The following STAU1 variants were observed in gnomAD, a reference collection of about 807,000 sequenced individuals.
STAU1 encodes the protein double-stranded RNA-binding protein Staufen homolog 1.
A neutral mutation model predicts 62.9 loss-of-function variants in STAU1; 13 were observed. The observed-to-expected ratio is 0.21, with a 90% CI of 0.13 to 0.33. The LOEUF is 0.33. STAU1 is among the 10% of genes least tolerant of loss of function. The pLI is 1.00. For missense variants in STAU1, 571 were observed against 712.1 expected (o/e 0.80, Z 2.25); for synonymous variants, 269 against 265.1 (o/e 1.01, Z -0.14).
At chr20:49,206,902 T>C in the STAU1 span, among the ~76,000 whole-genome samples, 1 of 150,906 alleles carries the variant, frequency 6.6e-6, no homozygotes. Flanking sequence ...ATTACAGGCG[T>C]GCGCCACCAC....
At chr20:49,129,583 A>G (rs542940842) in intron 6 of STAU1, among the ~76,000 whole-genome samples, 14 of 151,200 alleles carry the variant, frequency 9.3e-5, no homozygotes, top group African/African-American at 3.4e-4. Flanking sequence ...CATATATTGC[A>G]GGTGAAATGC....
intron 3 of STAU1, among the ~76,000 whole-genome samples, chr20:49,159,716 A>C (rs573771795): frequency 6.6e-6 from 1 of 152,234 alleles, no homozygotes; most frequent in Non-Finnish European, 1.5e-5. Flanking sequence ...GCGCACCACC[A>C]CATCCAGCTA....
At chr20:49,206,231 T>G in the STAU1 span, among the ~76,000 whole-genome samples, 1 of 150,872 alleles carries the variant, frequency 6.6e-6, no homozygotes, top group East Asian at 2.0e-4. Context: ...TGACCTCAAG[T>G]GATCCACCCG....
the STAU1 span, among the ~76,000 whole-genome samples, chr20:49,195,918 G>GAA: frequency 1.3e-5 from 1 of 74,414 alleles, no homozygotes; most frequent in Admixed American, 2.1e-4. Context: ...AAAAAAAAAA[G>GAA]AAAAAAGAAA....
At chr20:49,184,439 G>A (rs950393910) in intron 1 of STAU1, among the ~76,000 whole-genome samples, 1 of 152,110 alleles carries the variant, frequency 6.6e-6, no homozygotes, top group Non-Finnish European at 1.5e-5. Context: ...ACACACCAGT[G>A]AACCTCACGT....
rs745897064 is a variant in STAU1, at chr20:49,166,216, A to G, written c.-15T>C. The G allele has an allele frequency of 1.8e-5, 29 of 1,613,170 alleles. No individual in the cohort carries two copies. The highest frequency in any genetic ancestry group is 2.3e-5 in the Non-Finnish European group (27 of 1,179,314). On this transcript the variant is annotated 5_prime_UTR_variant, in exon 3 of 14. Coordinates refer to ENST00000371856, the MANE Select transcript of STAU1 (RefSeq NM_017453.4). The stretch of plus-strand genomic sequence containing the variant: ...ACTTGAGACATGGTCACTTTCAACA[A>G]AAGTGAACAAATGCAGGTAAACAGC...
chr20:49,136,071 G>A (rs1379114302), intron 5 of STAU1, 140 bp from the exon 6 acceptor site: 7 of 619,536 alleles, frequency 1.1e-5, no homozygotes, highest in Non-Finnish European at 1.9e-5. Flanking sequence ...ACCAGCCTGA[G>A]CAACATGGCA....
intron 5 of STAU1, among the ~76,000 whole-genome samples, chr20:49,136,681 G>A (rs546679972): frequency 7.9e-5 from 12 of 152,074 alleles, no homozygotes; most frequent in Non-Finnish European, 1.6e-4. Context: ...AGGCTTATTT[G>A]AACATAAATT....
the STAU1 span, among the ~76,000 whole-genome samples, chr20:49,205,074 C>G: frequency 6.6e-6 from 1 of 152,106 alleles, no homozygotes; most frequent in African/African-American, 2.4e-5. Context: ...TTTAGGTCAA[C>G]AAGATAGCCC....
chr20:49,134,434 GAA>G (rs3091730), intron 6 of STAU1: 26,644 of 424,266 alleles, frequency 0.063, 1 homozygote, highest in Middle Eastern at 0.081. Context: ...TCATCTCAGG[GAA>G]AAAAAAAAAA....
chr20:49,178,909 TAA>T (rs11324304), intron 1 of STAU1, among the ~76,000 whole-genome samples: 129 of 116,406 alleles, frequency 1.1e-3, no homozygotes, highest in Middle Eastern at 4.4e-3. Flanking sequence ...CCGTCTCCAC[TAA>T]AAAAAAAAAA....
chr20:49,121,370 T>C (rs375606967), intron 8 of STAU1, among the ~76,000 whole-genome samples: 18 of 152,188 alleles, frequency 1.2e-4, no homozygotes, highest in Admixed American at 1.0e-3. Context: ...ATCACACCAC[T>C]GCCCTGCAGC....
chr20:49,195,535 C>CAAAAAAAAAAAAAAAAAAAAAAAAAAA, the STAU1 span, among the ~76,000 whole-genome samples: 2 of 38,146 alleles, frequency 5.2e-5, no homozygotes, highest in Non-Finnish European at 7.7e-5. Context: ...GACTCCGTCT[C>CAAAAAAAAAAAAAAAAAAAAAAAAAAA]AAAAAAAAAA....
chr20:49,166,386 AT>A, intron 2 of STAU1, 101 bp from the exon 3 acceptor site: 1 of 593,432 alleles, frequency 1.7e-6, no homozygotes, highest in Non-Finnish European at 3.0e-6. Context: ...ACTTATGAAA[AT>A]AGCTCCATTT....
chr20:49,176,432 T>C (rs2093661232), intron 1 of STAU1, among the ~76,000 whole-genome samples: 2 of 152,186 alleles, frequency 1.3e-5, no homozygotes, highest in Non-Finnish European at 2.9e-5. Flanking sequence ...ACTTAAATGG[T>C]AGTTGTCAGT....
chr20:49,206,724 T>TATATAA, the STAU1 span, among the ~76,000 whole-genome samples: 2 of 38,374 alleles, frequency 5.2e-5, no homozygotes, highest in Admixed American at 2.0e-4. Flanking sequence ...AAATTTTATA[T>TATATAA]ATATATATAT....
chr20:49,175,279 C>G (rs1383967460), intron 1 of STAU1, among the ~76,000 whole-genome samples: 1 of 149,652 alleles, frequency 6.7e-6, no homozygotes, highest in Non-Finnish European at 1.5e-5. Context: ...TGCAGTGAGC[C>G]AAGATCGCAC....
At chr20:49,216,340 A>T in the STAU1 span, among the ~76,000 whole-genome samples, 1 of 152,124 alleles carries the variant, frequency 6.6e-6, no homozygotes, top group Non-Finnish European at 1.5e-5. Context: ...AACCTGGCTA[A>T]CATGGTGTAA....
At chr20:49,129,182 C>T (rs955202533) in intron 6 of STAU1, among the ~76,000 whole-genome samples, 1 of 150,236 alleles carries the variant, frequency 6.7e-6, no homozygotes, top group Non-Finnish European at 1.5e-5. Flanking sequence ...AATAAAAACA[C>T]GAAAAGAAGC....
Sources: allele counts gnomAD v4.1 joint callset (sites outside exome capture counted in the v4.1 genomes callset), GRCh38; gene constraint gnomAD v4.1.1; transcripts MANE v1.5; gene names NCBI Gene and HGNC (gene_info 2026-07-23, HGNC 2026-07-21).